HERC1: variants seen among roughly 807,000 people sequenced by gnomAD.
HERC1 encodes the protein probable E3 ubiquitin-protein ligase HERC1.
HERC1 carries 160 observed loss-of-function variants against 554.3 expected under a neutral mutation model. The observed-to-expected ratio is 0.29, with a 90% confidence interval of 0.25 to 0.33. The LOEUF (loss-of-function observed/expected upper bound fraction) is 0.33. HERC1 is among the 10% of genes least tolerant of loss of function. The pLI is 1.00. For missense variants in HERC1, 4,919 were observed against 5,918.5 expected, an observed-to-expected ratio of 0.83 and a Z score of 5.54; for synonymous variants, 2,175 against 2,131.7, an observed-to-expected ratio of 1.02 and a Z score of -0.56.
chr15:63,723,731 T>G (rs1475903733), intron 18 of HERC1, among the ~76,000 whole-genome samples: 1 of 152,222 alleles, frequency 6.6e-6, no homozygotes, highest in Non-Finnish European at 1.5e-5. Flanking sequence ...TGGAATGATA[T>G]CCTCTTTGAG....
At chr15:63,669,761 A>G (rs2070809933) in intron 39 of HERC1, 63 bp from the exon 40 acceptor site, 2 of 1,445,212 alleles carry the variant, frequency 1.4e-6, no homozygotes, top group Non-Finnish European at 1.9e-6. Flanking sequence ...ATACATCACA[A>G]TCTTCTTATA....
intron 16 of HERC1, among the ~76,000 whole-genome samples, 177 bp downstream of exon 16, chr15:63,729,059 T>C (rs1291074908): frequency 6.6e-6 from 1 of 152,180 alleles, no homozygotes; most frequent in Non-Finnish European, 1.5e-5. Flanking sequence ...AGTAGACTCT[T>C]TCTAAGACCA....
intron 53 of HERC1, among the ~76,000 whole-genome samples, chr15:63,651,050 T>C (rs2152888036): frequency 1.3e-5 from 2 of 152,346 alleles, no homozygotes; most frequent in East Asian, 3.9e-4. Context: ...ACTAGGTTAG[T>C]TGAAAGTCCC....
chr15:63,740,341 A>G (rs2074744452), intron 12 of HERC1, among the ~76,000 whole-genome samples: 1 of 152,220 alleles, frequency 6.6e-6, no homozygotes, highest in South Asian at 2.1e-4. Flanking sequence ...GTTGACAGAC[A>G]CATGTTGTTT....
At chr15:63,704,497 G>A (rs951196391) in intron 25 of HERC1, among the ~76,000 whole-genome samples, 54 of 152,226 alleles carry the variant, frequency 3.5e-4, no homozygotes, top group African/African-American at 1.3e-3. Flanking sequence ...TACTCAGTAA[G>A]TCTGGAGCCA....
At chr15:63,804,706 A>G (rs2077088524) in intron 1 of HERC1, among the ~76,000 whole-genome samples, 1 of 152,212 alleles carries the variant, frequency 6.6e-6, no homozygotes, top group African/African-American at 2.4e-5. Context: ...AACATATCCA[A>G]TGAGACGTGT....
chr15:63,812,391 T>C (rs1357342950), intron 1 of HERC1, among the ~76,000 whole-genome samples: 1 of 152,218 alleles, frequency 6.6e-6, no homozygotes, highest in Non-Finnish European at 1.5e-5. Flanking sequence ...GCAGGGAAAA[T>C]CTAAAAGGCC....
chr15:63,670,066 A>G (rs2070825349), intron 39 of HERC1, among the ~76,000 whole-genome samples: 1 of 152,212 alleles, frequency 6.6e-6, no homozygotes, highest in African/African-American at 2.4e-5. Context: ...GCTTTTAAAG[A>G]TAGGTAACTT....
In HERC1 at chr15:63,651,396, C is replaced by CAGAT; in HGVS notation, c.10419-20_10419-17dup. On this transcript the variant is annotated splice_polypyrimidine_tract_variant and intron_variant, in intron 52 of 77. Coordinates refer to ENST00000443617, the MANE Select transcript of HERC1 (RefSeq NM_003922.4). The stretch of plus-strand genomic sequence containing the variant: ...ATCCCCTTCCCTAGAATATAACAGA[C>CAGAT]AGATATGCAGTTCTAATCCCCATCA... 6.2e-7 allele frequency: 1 copy of CAGAT among 1,607,234 alleles called. No individual in the cohort carries two copies. The highest frequency in any genetic ancestry group is 8.5e-7 in the Non-Finnish European group (1 of 1,177,260).
At chr15:63,675,214 T>A in intron 37 of HERC1, 97 bp from the exon 38 acceptor site, 1 of 948,196 alleles carries the variant, frequency 1.1e-6, no homozygotes, top group Non-Finnish European at 1.6e-6. Context: ...GTGCATCATG[T>A]ACACAATACA....
intron 69 of HERC1, among the ~76,000 whole-genome samples, chr15:63,630,081 T>G (rs971538329): frequency 6.6e-6 from 1 of 152,214 alleles, no homozygotes; most frequent in Non-Finnish European, 1.5e-5. Flanking sequence ...TTTTCCCATA[T>G]CAACTGATGT....
Position 63,612,127 on chromosome 15 carries a change from G to T in HERC1, c.14400+124C>A. 1.2e-6 allele frequency: 1 copy of T among 809,376 alleles called. No individual in the cohort carries two copies. The highest frequency in any genetic ancestry group is 1.9e-6 in the Non-Finnish European group (1 of 523,322). The allele number at this position is 809,376 out of a possible 1,614,324, so 50.1% of individuals were successfully genotyped here. A position where few individuals can be genotyped will look rare whatever the true frequency, so the allele number is the denominator to read the frequency against. On this transcript the variant is annotated intron_variant, in intron 77 of 77. Transcript: ENST00000443617. The surrounding 1 kb of genome is among the most constrained non-coding windows in gnomAD (Gnocchi z 5.0). ...TGCTTGAAGCTAGGAAGCGGAGGTTGCAGTAAGCTAAAATCATGCCACTGC... is the reference window on the plus strand; with the variant it reads ...TGCTTGAAGCTAGGAAGCGGAGGTTTCAGTAAGCTAAAATCATGCCACTGC...
intron 68 of HERC1, among the ~76,000 whole-genome samples, chr15:63,632,049 C>T (rs1353489757): frequency 6.6e-6 from 1 of 152,154 alleles, no homozygotes; most frequent in Non-Finnish European, 1.5e-5. Context: ...TTCTCAATAG[C>T]CTAGTGGACA....
At chr15:63,631,214 C>T (rs1053854985) in intron 68 of HERC1, among the ~76,000 whole-genome samples, 1 of 152,180 alleles carries the variant, frequency 6.6e-6, no homozygotes, top group Non-Finnish European at 1.5e-5. Context: ...TCCAACCAAC[C>T]TCTCCCCTTA....
intron 1 of HERC1, among the ~76,000 whole-genome samples, chr15:63,805,186 C>G (rs920669230): frequency 6.6e-6 from 1 of 152,170 alleles, no homozygotes; most frequent in East Asian, 1.9e-4. Flanking sequence ...TGTCCATCAT[C>G]TGATGAATGA....
intron 3 of HERC1, among the ~76,000 whole-genome samples, chr15:63,761,589 A>G (rs2142280224): frequency 6.7e-6 from 1 of 148,788 alleles, no homozygotes; most frequent in Middle Eastern, 3.4e-3. Context: ...ACTGTCTCAA[A>G]AAAAAAAAAA....
In HERC1 at chr15:63,694,558, CAA is replaced by C. The variant is rs748172224; in HGVS notation, c.5243-11_5243-10del. On this transcript the variant is annotated splice_polypyrimidine_tract_variant and intron_variant, in intron 28 of 77. Transcript: ENST00000443617. This position sits in a 1 kb window ranked among gnomAD's most constrained non-coding sequence, Gnocchi z 4.3. ...CAGACGTTGCTGGGCTTCTAAAAGA[CAA>C]AGAGACAGTTAAGAATCTTCCTTTC... 1.4e-5 allele frequency: 22 copies of C among 1,607,266 alleles called. No homozygotes were observed. Among genetic ancestry groups the C allele is most frequent in the East Asian group, 6.7e-5 (3 of 44,842 alleles).
In HERC1 at chr15:63,718,495, T is replaced by C. The variant is rs1463788945; in HGVS notation, c.3978+79A>G. 7.1e-6 allele frequency: 10 copies of C among 1,406,010 alleles called. No homozygotes were observed. The highest frequency in any genetic ancestry group is 8.6e-6 in the Non-Finnish European group (9 of 1,052,198). 87.1% of individuals were successfully genotyped at this position (1,406,010 alleles called of 1,614,324 possible). Reference sequence around the variant, plus strand: ...CATATGCAATAACCAAGGCACATTTTTTTCTCACATAAACCAATTTAGAGC... The same window carrying C: ...CATATGCAATAACCAAGGCACATTTCTTTCTCACATAAACCAATTTAGAGC... On this transcript the variant is annotated intron_variant, in intron 21 of 77. Coordinates refer to ENST00000443617, the MANE Select transcript of HERC1 (RefSeq NM_003922.4). This position sits in a 1 kb window ranked among gnomAD's most constrained non-coding sequence, Gnocchi z 4.2.
Position 63,767,303 on chromosome 15 carries a change from T to C in HERC1, c.931-3112A>G, listed in dbSNP as rs533734736. Among the ~76,000 whole-genome samples, 6 of 152,150 alleles carry C rather than the reference T, an allele frequency of 3.9e-5. No individual in the cohort carries two copies. The South Asian group carries it at 1.0e-3, about 26-fold the overall frequency. On this transcript the variant is annotated intron_variant, in intron 2 of 77. Coordinates refer to ENST00000443617, the MANE Select transcript of HERC1 (RefSeq NM_003922.4). Reference sequence around the variant, plus strand: ...CAGGCGTGAGCCACCGCGCCTGGCCTATAGGTTTTAAGTTGCTCTATATAT... The same window carrying C: ...CAGGCGTGAGCCACCGCGCCTGGCCCATAGGTTTTAAGTTGCTCTATATAT...
Sources: allele counts gnomAD v4.1 joint callset (sites outside exome capture counted in the v4.1 genomes callset), GRCh38; gene constraint gnomAD v4.1.1; non-coding constraint Gnocchi (gnomAD v3.1); transcripts MANE v1.5; gene names NCBI Gene and HGNC (gene_info 2026-07-23, HGNC 2026-07-21).